Variants in MAP3K13 observed in about 807,000 individuals in gnomAD.
MAP3K13 encodes mitogen-activated protein kinase kinase kinase 13.
MAP3K13 carries 52 observed loss-of-function variants against 104.0 expected under a neutral mutation model. The ratio of observed to expected loss-of-function variants is 0.50; its 90% CI spans 0.40 to 0.63. The LOEUF (loss-of-function observed/expected upper bound fraction) is 0.63. Among genes scored for constraint, MAP3K13 ranks in the 20% least tolerant of loss-of-function variants. The pLI is 0.00. For synonymous variants in MAP3K13, 394 were observed against 442.2 expected (o/e 0.89, Z 1.37); for missense variants, 914 against 1,218.5 (o/e 0.75, Z 3.72).
In MAP3K13 at chr3:185,454,713, TGA is replaced by T. The variant is rs1355877359; in HGVS notation, c.1278+3321_1278+3322del. On this transcript the variant is annotated intron_variant, in intron 7 of 13. Transcript: ENST00000265026. ...ATATATGAGATATATATATCATATA[TGA>T]GATATATATGATATATATGATATAT... Among the ~76,000 whole-genome samples the T allele has an allele frequency of 6.5e-4, 17 of 26,044 alleles. 5 individuals are homozygous for T. In the East Asian group the frequency reaches 0.012, roughly 18 times the overall value. 17.1% of individuals were successfully genotyped at this position (26,044 alleles called of 152,430 possible).
intron 1 of MAP3K13, among the ~76,000 whole-genome samples, chr3:185,374,481 T>A (rs1488406687): frequency 6.6e-6 from 1 of 152,154 alleles, no homozygotes; most frequent in African/African-American, 2.4e-5. Flanking sequence ...TGATTGCTGA[T>A]GGCCTGGATA....
intron 1 of MAP3K13, among the ~76,000 whole-genome samples, chr3:185,379,129 T>A (rs13091471): frequency 6.6e-6 from 1 of 152,068 alleles, no homozygotes; most frequent in East Asian, 1.9e-4. Context: ...CAGGTGTCCC[T>A]GCAATTGACT....
intron 1 of MAP3K13, among the ~76,000 whole-genome samples, chr3:185,372,892 A>G (rs1724228761): frequency 6.6e-6 from 1 of 152,202 alleles, no homozygotes; most frequent in Admixed American, 6.5e-5. Flanking sequence ...CCTGCCAGGA[A>G]AAGGAAGTCA....
intron 2 of MAP3K13, among the ~76,000 whole-genome samples, chr3:185,338,642 ATTC>A (rs1377316866): frequency 2.6e-5 from 4 of 152,176 alleles, no homozygotes; most frequent in Non-Finnish European, 4.4e-5. Context: ...TATCAAATTA[ATTC>A]TTCAATTTTG....
Position 185,418,181 on chromosome 3 carries a change from G to A in MAP3K13, c.-85-10316G>A, listed in dbSNP as rs1416101838. 7 of 1,610,816 alleles carry A rather than the reference G, an allele frequency of 4.3e-6. No individual in the cohort carries two copies. Among genetic ancestry groups the A allele is most frequent in the South Asian group, 2.2e-5 (2 of 90,956 alleles). ...CACAGGCCCCTGCGCTGGATACGGC[G>A]ACGGTTTCTCATTTTGCCTTTGCCA... On this transcript the variant is annotated intron_variant, in intron 1 of 13. Coordinates refer to ENST00000265026, the MANE Select transcript of MAP3K13 (RefSeq NM_004721.5). The surrounding 1 kb of genome is among the most constrained non-coding windows in gnomAD (Gnocchi z 4.5).
chr3:185,414,891 G>A (rs965278646), intron 1 of MAP3K13, among the ~76,000 whole-genome samples: 4 of 151,986 alleles, frequency 2.6e-5, no homozygotes, highest in Non-Finnish European at 5.9e-5. Context: ...AGATTTTTTG[G>A]CCAGGCGTGG....
At chr3:185,358,709 A>G (rs981499349), upstream of MAP3K13, among the ~76,000 whole-genome samples, 4 of 152,220 alleles carry the variant, frequency 2.6e-5, no homozygotes, top group African/African-American at 4.8e-5. Flanking sequence ...CCAAGGCTCC[A>G]TATACTTTGG....
At chr3:185,370,606 A>ATGGACATCTAGGTGAT (rs1187162574) in intron 1 of MAP3K13, among the ~76,000 whole-genome samples, 5 of 152,326 alleles carry the variant, frequency 3.3e-5, no homozygotes, top group Admixed American at 3.3e-4. Flanking sequence ...GATGGATTAT[A>ATGGACATCTAGGTGAT]GGTTAAATCA....
At chr3:185,304,152 G>A (rs1360827188) in intron 2 of MAP3K13, among the ~76,000 whole-genome samples, 2 of 152,168 alleles carry the variant, frequency 1.3e-5, no homozygotes, top group Non-Finnish European at 2.9e-5. Context: ...TTGATTTCTC[G>A]TTTTGTTTCC....
intron 1 of MAP3K13, among the ~76,000 whole-genome samples, chr3:185,417,142 T>C (rs144746463): frequency 4.2e-4 from 64 of 152,260 alleles, no homozygotes; most frequent in African/African-American, 1.5e-3. Context: ...ATACTTAGCA[T>C]CTTGTCAGGG....
chr3:185,421,188 T>C (rs1714103981), intron 1 of MAP3K13, among the ~76,000 whole-genome samples: 1 of 151,962 alleles, frequency 6.6e-6, no homozygotes, highest in Non-Finnish European at 1.5e-5. Context: ...TTTTGTTTTG[T>C]TTGTTTGTTT....
chr3:185,404,789 C>T (rs1448146261), intron 1 of MAP3K13, among the ~76,000 whole-genome samples: 2 of 152,130 alleles, frequency 1.3e-5, no homozygotes, highest in Non-Finnish European at 2.9e-5. Context: ...GTTGGCCAGG[C>T]TGGTCTCAAA....
At chr3:185,351,870 G>A (rs6444054) in intron 2 of MAP3K13, among the ~76,000 whole-genome samples, 110,252 of 151,986 alleles carry the variant, frequency 0.73, 42,359 homozygotes, top group Non-Finnish European at 0.86. Context: ...CAGATAGACA[G>A]CTTTGATTCA....
intron 1 of MAP3K13, among the ~76,000 whole-genome samples, chr3:185,403,724 G>A (rs553201395): frequency 2.0e-5 from 3 of 152,178 alleles, no homozygotes; most frequent in Non-Finnish European, 2.9e-5. Flanking sequence ...TTTTATTACC[G>A]AAAATGGCCA....
At chr3:185,419,775 A>G (rs1714013335) in intron 1 of MAP3K13, among the ~76,000 whole-genome samples, 1 of 152,118 alleles carries the variant, frequency 6.6e-6, no homozygotes, top group African/African-American at 2.4e-5. Context: ...ATTTATGGAG[A>G]TAGCATTTAT....
intron 10 of MAP3K13, 29 bp from the exon 11 acceptor site, chr3:185,472,946 T>C: frequency 6.3e-7 from 1 of 1,596,264 alleles, no homozygotes; most frequent in Admixed American, 1.7e-5. Flanking sequence ...TTTCATGTGT[T>C]TCAGATTAAA....
chr3:185,379,508 C>T (rs1339239579), intron 1 of MAP3K13, among the ~76,000 whole-genome samples: 2 of 152,078 alleles, frequency 1.3e-5, no homozygotes, highest in Admixed American at 6.5e-5. Context: ...TCTGAGGACC[C>T]GAGGTTGTAG....
intron 12 of MAP3K13, among the ~76,000 whole-genome samples, chr3:185,478,312 T>G (rs1215087313): frequency 1.3e-5 from 2 of 152,106 alleles, no homozygotes; most frequent in Non-Finnish European, 2.9e-5. Context: ...TAATGGACAT[T>G]CTGTTCTTGA....
chr3:185,307,279 T>TTC (rs1330451386), intron 2 of MAP3K13, among the ~76,000 whole-genome samples: 1 of 151,762 alleles, frequency 6.6e-6, no homozygotes. Flanking sequence ...CTCTGTCCTT[T>TTC]TCTCTCTCTC....
Sources: gnomAD v4.1 joint callset for allele counts (sites outside exome capture counted in the v4.1 genomes callset) on GRCh38, gnomAD v4.1.1 for gene constraint, Gnocchi (gnomAD v3.1) non-coding constraint, MANE v1.5 for transcripts, NCBI Gene and HGNC (gene_info 2026-07-23, HGNC 2026-07-21) for gene names.